PTPRA: variants seen among roughly 807,000 people sequenced by gnomAD.
PTPRA encodes the protein receptor-type tyrosine-protein phosphatase alpha.
A neutral mutation model predicts 104.8 loss-of-function variants in PTPRA; 25 were observed. That is an observed-to-expected ratio of 0.24 (90% CI 0.17 to 0.33). The LOEUF (loss-of-function observed/expected upper bound fraction) is 0.33, where lower values mean the gene tolerates loss of function less well. PTPRA is among the 10% of genes least tolerant of loss of function. PTPRA has a pLI of 1.00. For synonymous variants in PTPRA, 323 were observed against 368.9 expected (o/e 0.88, Z 1.43); for missense variants, 765 against 1,015.3 (o/e 0.75, Z 3.35).
At chr20:2,945,668 C>T (rs2061101079) in intron 2 of PTPRA, among the ~76,000 whole-genome samples, 1 of 151,682 alleles carries the variant, frequency 6.6e-6, no homozygotes. Flanking sequence ...GTGGCTTACA[C>T]CTGTAATCCC....
Position 2,903,549 on chromosome 20 carries a change from C to T in PTPRA, c.-128-19658C>T, listed in dbSNP as rs551744701. 2.4e-4 allele frequency among the ~76,000 whole-genome samples: 37 copies of T among 152,028 alleles called. 1 individual carries two copies. Among genetic ancestry groups the T allele is most frequent in the Admixed American group, 2.0e-3 (31 of 15,242 alleles). Reference sequence around the variant, plus strand: ...AAAAAATTCACAAATTAGTTGGGCGCGGTGGTTATATGCCTGTAGCCCTTG... The same window carrying T: ...AAAAAATTCACAAATTAGTTGGGCGTGGTGGTTATATGCCTGTAGCCCTTG... On this transcript the variant is annotated intron_variant, in intron 1 of 23. Coordinates refer to ENST00000399903, the MANE Select transcript of PTPRA (RefSeq NM_001385305.1).
At chr20:2,936,033 A>T (rs1568660309) in intron 2 of PTPRA, among the ~76,000 whole-genome samples, 2 of 150,990 alleles carry the variant, frequency 1.3e-5, no homozygotes, top group African/African-American at 2.4e-5. Context: ...AAAAAAAAAA[A>T]TCGTTTGTAG....
chr20:2,976,048 A>C (rs145104290), intron 6 of PTPRA, among the ~76,000 whole-genome samples: 3 of 152,294 alleles, frequency 2.0e-5, no homozygotes, highest in Admixed American at 2.0e-4. Context: ...AGTCCCACTA[A>C]GTAGGGAGCA....
chr20:2,923,267 T>C lies in PTPRA; in HGVS notation c.-68T>C, dbSNP rs1000734146. 3.9e-6 allele frequency: 5 copies of C among 1,286,276 alleles called. No homozygotes were observed. Among genetic ancestry groups the C allele is most frequent in the Admixed American group, 4.6e-5 (2 of 43,146 alleles). 79.7% of individuals were successfully genotyped at this position (1,286,276 alleles called of 1,614,324 possible). A position where few individuals can be genotyped will look rare whatever the true frequency, so the allele number is the denominator to read the frequency against. On this transcript the variant is annotated 5_prime_UTR_variant, in exon 2 of 24. It removes an upstream start codon present in the reference 5' UTR. Transcript: ENST00000399903. ...AATTCCACTGAGTGGTAATGGATGA[T>C]GCAGTTCAAATAACTAAGGTAAGAG... is the stretch of plus-strand genomic sequence containing the variant.
intron 11 of PTPRA, among the ~76,000 whole-genome samples, chr20:3,009,560 C>T (rs6084231): frequency 0.34 from 51,988 of 152,024 alleles, 10,154 homozygotes; most frequent in East Asian, 0.68. Flanking sequence ...CGGGCATTCT[C>T]ACTGGAGTGA....
intron 5 of PTPRA, among the ~76,000 whole-genome samples, chr20:2,974,122 T>C (rs1173986767): frequency 6.6e-6 from 1 of 151,492 alleles, no homozygotes; most frequent in Non-Finnish European, 1.5e-5. Flanking sequence ...GGCTAATTTT[T>C]TTTTTGTATT....
Position 3,035,744 on chromosome 20 carries a change from G to A in PTPRA, c.2046+34G>A. ...GGTCGTGGGTGGACTCTGCCCACAG[G>A]AAAAGCAGGGTTACCCCTGCCTCCC... On this transcript the variant is annotated intron_variant, in intron 21 of 23. Coordinates refer to ENST00000399903, the MANE Select transcript of PTPRA (RefSeq NM_001385305.1). The surrounding 1 kb of genome is among the most constrained non-coding windows in gnomAD (Gnocchi z 5.8). 6.2e-7 allele frequency: 1 copy of A among 1,614,190 alleles called. No individual in the cohort carries two copies. Among genetic ancestry groups the A allele is most frequent in the Non-Finnish European group, 8.5e-7 (1 of 1,180,016 alleles).
intron 17 of PTPRA, 74 bp from the exon 18 acceptor site, chr20:3,026,613 C>A: frequency 8.2e-7 from 1 of 1,217,910 alleles, no homozygotes; most frequent in Non-Finnish European, 1.2e-6. Context: ...GAGGTGCAGG[C>A]CAAGGGACAG....
intron 1 of PTPRA, among the ~76,000 whole-genome samples, chr20:2,885,212 G>A (rs1568638843): frequency 6.6e-6 from 1 of 151,800 alleles, no homozygotes; most frequent in Non-Finnish European, 1.5e-5. Context: ...AACACTTGTT[G>A]TTTTTTTTAA....
chr20:3,037,005 G>C lies in PTPRA; in HGVS notation c.2199-149G>C, dbSNP rs900693095. 1.8e-6 allele frequency: 2 copies of C among 1,129,384 alleles called. No homozygotes were observed. The highest frequency in any genetic ancestry group is 3.1e-5 in the African/African-American group (2 of 64,136). 70.0% of individuals were successfully genotyped at this position (1,129,384 alleles called of 1,614,324 possible). A position where few individuals can be genotyped will look rare whatever the true frequency, so the allele number is the denominator to read the frequency against. The stretch of plus-strand genomic sequence containing the variant: ...AAGGGCACAGGGTACACTGCCTCCC[G>C]ACCCAGAACCCCTCCAGGCTGGTGG... On this transcript the variant is annotated intron_variant, in intron 22 of 23. Transcript: ENST00000399903. This position sits in a 1 kb window ranked among gnomAD's most constrained non-coding sequence, Gnocchi z 4.3.
chr20:2,901,162 G>C (rs1036865405), intron 1 of PTPRA, among the ~76,000 whole-genome samples: 1 of 151,972 alleles, frequency 6.6e-6, no homozygotes, highest in African/African-American at 2.4e-5. Context: ...GTAGAGACAG[G>C]GTTTCACCAT....
rs937360544 is a variant in PTPRA, at chr20:3,037,853, T to G, written c.2335-206T>G. Among the ~76,000 whole-genome samples, 2 of 152,170 alleles carry G rather than the reference T, an allele frequency of 1.3e-5. No individual in the cohort carries two copies. The highest frequency in any genetic ancestry group is 4.8e-5 in the African/African-American group (2 of 41,448). On this transcript the variant is annotated intron_variant, in intron 23 of 23. Transcript: ENST00000399903. The surrounding 1 kb of genome is among the most constrained non-coding windows in gnomAD (Gnocchi z 4.3). ...GGGGCCTGGGTCAGCTCTGGTCAGCTCTGCTTGTAGAAGGTCTGCTGCATT... is the reference window on the plus strand; with the variant it reads ...GGGGCCTGGGTCAGCTCTGGTCAGCGCTGCTTGTAGAAGGTCTGCTGCATT...
chr20:2,877,474 G>A (rs1400905412), intron 1 of PTPRA, among the ~76,000 whole-genome samples: 1 of 152,170 alleles, frequency 6.6e-6, no homozygotes, highest in Non-Finnish European at 1.5e-5. Flanking sequence ...GGTAAGGCTG[G>A]TCTTGAACTC....
chr20:2,948,943 C>A (rs1206326288), intron 3 of PTPRA, among the ~76,000 whole-genome samples: 1 of 151,920 alleles, frequency 6.6e-6, no homozygotes, highest in African/African-American at 2.4e-5. Flanking sequence ...CAGAGCGAGA[C>A]TCCGTCTCAA....
intron 20 of PTPRA, among the ~76,000 whole-genome samples, chr20:3,029,629 C>T (rs1316595209): frequency 7.1e-6 from 1 of 141,664 alleles, no homozygotes; most frequent in Non-Finnish European, 1.5e-5. Context: ...CTCTGCCTCC[C>T]AGGTTCTGGC....
At chr20:2,874,913 C>G (rs1199383529) in intron 1 of PTPRA, among the ~76,000 whole-genome samples, 1 of 152,156 alleles carries the variant, frequency 6.6e-6, no homozygotes, top group Non-Finnish European at 1.5e-5. Flanking sequence ...TTGACTGCCC[C>G]CTCACATGTT....
chr20:3,026,228 C>T (rs575708147), intron 17 of PTPRA, among the ~76,000 whole-genome samples: 12 of 152,146 alleles, frequency 7.9e-5, no homozygotes, highest in South Asian at 4.1e-4. Context: ...TGAGCCACCA[C>T]GCCCGGCTTG....
intron 22 of PTPRA, among the ~76,000 whole-genome samples, chr20:3,036,784 G>A (rs2065820390): frequency 6.6e-6 from 1 of 152,250 alleles, no homozygotes; most frequent in Admixed American, 6.5e-5. Context: ...ACACACCAGT[G>A]TAGGGAGTGG....
chr20:2,994,845 C>G (rs538887055), intron 9 of PTPRA, among the ~76,000 whole-genome samples: 17 of 152,260 alleles, frequency 1.1e-4, no homozygotes, highest in African/African-American at 4.1e-4. Flanking sequence ...TTGGCTTTAT[C>G]CAGGCTGGGC....
Sources: allele counts gnomAD v4.1 joint callset (sites outside exome capture counted in the v4.1 genomes callset), GRCh38; gene constraint gnomAD v4.1.1; non-coding constraint Gnocchi (gnomAD v3.1); transcripts MANE v1.5; gene names NCBI Gene and HGNC (gene_info 2026-07-23, HGNC 2026-07-21).